Variants in PTPRG observed in about 807,000 individuals in gnomAD.
PTPRG encodes the protein protein tyrosine phosphatase receptor type G, also known as receptor-type tyrosine-protein phosphatase gamma.
Under a neutral mutation model 165.3 loss-of-function variants are expected in PTPRG, and 102 were observed. That is an observed-to-expected ratio of 0.62 (90% CI 0.53 to 0.73). PTPRG has a LOEUF of 0.73. Among genes scored for constraint, PTPRG ranks in the 30% least tolerant of loss-of-function variants. PTPRG has a pLI of 0.00. For synonymous variants in PTPRG, 675 were observed against 669.5 expected (o/e 1.01, Z -0.13); for missense variants, 1,866 against 1,861.4 (o/e 1.00, Z -0.05).
At position 62,281,547 on chromosome 3, in the gene PTPRG, T is replaced by TTTTTTTTTTTTTTTTTTTTTTTTTTTG; in HGVS notation, c.3766-12_3766-11insTTTTTTTTTTTTTTTTTTTTTTGTTTT. ...GACAGAACTGCAGAGGCTTTTTTTT[T>TTTTTTTTTTTTTTTTTTTTTTTTTTTG]TTTTGGATTCCAAAGGCAGAAGATG... On this transcript the variant is annotated splice_polypyrimidine_tract_variant and intron_variant, in intron 26 of 29. Transcript: ENST00000474889. The TTTTTTTTTTTTTTTTTTTTTTTTTTTG allele has an allele frequency of 7.0e-7, 1 of 1,426,288 alleles. No homozygotes were observed. Among genetic ancestry groups the TTTTTTTTTTTTTTTTTTTTTTTTTTTG allele is most frequent in the Non-Finnish European group, 9.4e-7 (1 of 1,061,664 alleles). The allele number at this position is 1,426,288 out of a possible 1,614,324, so 88.4% of individuals were successfully genotyped here.
chr3:61,797,505 C>T (rs2035084465), intron 2 of PTPRG, among the ~76,000 whole-genome samples: 1 of 152,056 alleles, frequency 6.6e-6, no homozygotes, highest in African/African-American at 2.4e-5. Context: ...GGAAGGCTCA[C>T]AGGTGTGAGA....
At chr3:62,141,420 T>G (rs1336046544) in intron 6 of PTPRG, among the ~76,000 whole-genome samples, 1 of 151,956 alleles carries the variant, frequency 6.6e-6, no homozygotes, top group African/African-American at 2.4e-5. Context: ...AGCAACATGG[T>G]GTTTTATCTC....
At chr3:62,148,810 C>A (rs1291754863) in intron 6 of PTPRG, among the ~76,000 whole-genome samples, 1 of 152,068 alleles carries the variant, frequency 6.6e-6, no homozygotes, top group Non-Finnish European at 1.5e-5. Flanking sequence ...GTTGCCTAGT[C>A]TTCAGTGAGA....
rs1408679102 is a variant in PTPRG, at chr3:62,222,027, G to A, written c.2288+3044G>A. Among the ~76,000 whole-genome samples the A allele has an allele frequency of 6.6e-6, 1 of 152,228 alleles. No individual in the cohort carries two copies. The highest frequency in any genetic ancestry group is 1.5e-5 in the Non-Finnish European group (1 of 68,054). ...GATCTGTACGGTAGGTACTATCACT[G>A]TCCTTTCTATTTGACCCACATTCTT... On this transcript the variant is annotated intron_variant, in intron 13 of 29. Transcript: ENST00000474889. The surrounding 1 kb of genome is among the most constrained non-coding windows in gnomAD (Gnocchi z 4.5).
intron 2 of PTPRG, among the ~76,000 whole-genome samples, chr3:61,867,771 G>A (rs1223837311): frequency 1.3e-5 from 2 of 152,176 alleles, no homozygotes; most frequent in African/African-American, 4.8e-5. Context: ...CAGAGATAGA[G>A]GACATAGGAC....
chr3:61,594,009 T>C (rs1700636414), intron 1 of PTPRG, among the ~76,000 whole-genome samples: 1 of 152,270 alleles, frequency 6.6e-6, no homozygotes, highest in South Asian at 2.1e-4. Flanking sequence ...CATCTCAGGA[T>C]GTTCACTGTG....
chr3:61,735,512 TA>T (rs2032683130), intron 1 of PTPRG, among the ~76,000 whole-genome samples: 1 of 146,368 alleles, frequency 6.8e-6, no homozygotes, highest in Non-Finnish European at 1.5e-5. Flanking sequence ...TGGGCAATAC[TA>T]ACCCCAATTC....
chr3:61,581,198 G>T (rs1009516268), intron 1 of PTPRG, among the ~76,000 whole-genome samples: 1 of 152,230 alleles, frequency 6.6e-6, no homozygotes, highest in African/African-American at 2.4e-5. Context: ...GTTAGTTCTA[G>T]CCTGGAGGAG....
At chr3:61,737,840 G>C (rs1291735744) in intron 1 of PTPRG, among the ~76,000 whole-genome samples, 1 of 151,774 alleles carries the variant, frequency 6.6e-6, no homozygotes, top group South Asian at 2.1e-4. Flanking sequence ...TCATTTCTAA[G>C]TTCTGGAATT....
At chr3:61,743,467 G>A (rs1050255846) in intron 1 of PTPRG, among the ~76,000 whole-genome samples, 3 of 152,064 alleles carry the variant, frequency 2.0e-5, no homozygotes, top group Admixed American at 6.6e-5. Flanking sequence ...CTACTTAAAT[G>A]TGATATTCCT....
chr3:61,866,012 A>G (rs987354855), intron 2 of PTPRG, among the ~76,000 whole-genome samples: 3 of 152,192 alleles, frequency 2.0e-5, no homozygotes, highest in Non-Finnish European at 4.4e-5. Context: ...GTTTACAGAT[A>G]GAATCTTTAA....
At position 61,651,136 on chromosome 3, in the gene PTPRG, T is replaced by C. The variant is rs956789113; in HGVS notation, c.85+88764T>C. Among the ~76,000 whole-genome samples the C allele has an allele frequency of 4.5e-5, 6 of 134,424 alleles. No individual in the cohort carries two copies. In the East Asian group the frequency reaches 9.9e-4, roughly 22 times the overall value. The allele number at this position is 134,424 out of a possible 152,430, so 88.2% of individuals were successfully genotyped here. A position where few individuals can be genotyped will look rare whatever the true frequency, so the allele number is the denominator to read the frequency against. ...CGATGTATTTGGACACTCTTTCTCTTTTTTTTTTTTTTAAAGGAAAAACAT... is the reference window on the plus strand; with the variant it reads ...CGATGTATTTGGACACTCTTTCTCTCTTTTTTTTTTTTAAAGGAAAAACAT... On this transcript the variant is annotated intron_variant, in intron 1 of 29. Transcript: ENST00000474889.
At chr3:61,826,539 A>T (rs971954173) in intron 2 of PTPRG, among the ~76,000 whole-genome samples, 2 of 151,554 alleles carry the variant, frequency 1.3e-5, no homozygotes, top group Non-Finnish European at 2.9e-5. Flanking sequence ...AAAAAATCCG[A>T]TGTTTGTACT....
chr3:61,810,079 G>A (rs985598343), intron 2 of PTPRG, among the ~76,000 whole-genome samples: 1 of 152,128 alleles, frequency 6.6e-6, no homozygotes. Context: ...CAGCCTAAAT[G>A]GCTTTTGGTC....
At chr3:62,289,143 C>T (rs1265946805) in intron 28 of PTPRG, among the ~76,000 whole-genome samples, 2 of 152,198 alleles carry the variant, frequency 1.3e-5, no homozygotes, top group Non-Finnish European at 1.5e-5. Flanking sequence ...TGGCCAGTTA[C>T]TTCACCTGAA....
intron 4 of PTPRG, among the ~76,000 whole-genome samples, chr3:62,053,191 A>G (rs1013339345): frequency 3.3e-5 from 5 of 151,538 alleles, no homozygotes; most frequent in South Asian, 2.1e-4. Context: ...ATTTATATTT[A>G]TAAATGTAAT....
chr3:61,879,604 A>C (rs140563408), intron 2 of PTPRG, among the ~76,000 whole-genome samples: 61 of 152,272 alleles, frequency 4.0e-4, no homozygotes, highest in Admixed American at 7.8e-4. Flanking sequence ...CAATTAGTTT[A>C]TTGGATCTAA....
At chr3:62,064,981 C>T (rs1255947385) in intron 4 of PTPRG, among the ~76,000 whole-genome samples, 1 of 152,118 alleles carries the variant, frequency 6.6e-6, no homozygotes, top group African/African-American at 2.4e-5. Flanking sequence ...ATCCTCCCAG[C>T]TCGGCTTCCC....
intron 2 of PTPRG, among the ~76,000 whole-genome samples, chr3:61,949,773 T>C (rs7615655): frequency 0.044 from 6,729 of 151,510 alleles, 214 homozygotes; most frequent in East Asian, 0.13. Context: ...GAAGTCTCGC[T>C]CTGTCACTCT....
Sources: gnomAD v4.1 joint callset for allele counts (sites outside exome capture counted in the v4.1 genomes callset) on GRCh38, gnomAD v4.1.1 for gene constraint, Gnocchi (gnomAD v3.1) non-coding constraint, MANE v1.5 for transcripts, NCBI Gene and HGNC (gene_info 2026-07-23, HGNC 2026-07-21) for gene names.